Variants in GRIN2B observed in about 807,000 individuals in gnomAD.
The protein encoded by GRIN2B is glutamate ionotropic receptor NMDA type subunit 2B.
Under a neutral mutation model 114.5 loss-of-function variants are expected in GRIN2B, and 5 were observed. The ratio of observed to expected loss-of-function variants is 0.04; its 90% confidence interval spans 0.02 to 0.09. The LOEUF (loss-of-function observed/expected upper bound fraction) is 0.09. Ranked by LOEUF, GRIN2B falls within the 10% of genes least tolerant of loss-of-function variation. The pLI is 1.00. For synonymous variants in GRIN2B, 787 were observed against 745.1 expected (o/e 1.06, Z -0.92); for missense variants, 1,108 against 1,943.5 (o/e 0.57, Z 8.08).
chr12:13,943,778 T>C (rs1867309447), intron 2 of GRIN2B, among the ~76,000 whole-genome samples: 1 of 152,172 alleles, frequency 6.6e-6, no homozygotes, highest in Admixed American at 6.5e-5. Flanking sequence ...GAAATTTCCG[T>C]CACTGTCTAG....
intron 3 of GRIN2B, among the ~76,000 whole-genome samples, chr12:13,824,179 AAGAG>A (rs1306840257): frequency 6.6e-6 from 1 of 152,148 alleles, no homozygotes; most frequent in African/African-American, 2.4e-5. Flanking sequence ...TATTTCCTGG[AAGAG>A]TTTGTGTAGA....
chr12:13,940,438 G>GCA (rs141427427), intron 2 of GRIN2B, among the ~76,000 whole-genome samples: 80 of 150,858 alleles, frequency 5.3e-4, no homozygotes, highest in Non-Finnish European at 7.5e-4. Flanking sequence ...TCTCCTTGGC[G>GCA]CACACACACA....
intron 3 of GRIN2B, among the ~76,000 whole-genome samples, chr12:13,836,800 GAGA>G (rs3082838): frequency 0.091 from 13,865 of 152,176 alleles, 829 homozygotes; most frequent in South Asian, 0.18. Flanking sequence ...GCCAGAAGCT[GAGA>G]AGGAGAAGCA....
chr12:13,803,264 G>A (rs1864547593), intron 3 of GRIN2B, among the ~76,000 whole-genome samples: 1 of 152,084 alleles, frequency 6.6e-6, no homozygotes, highest in Non-Finnish European at 1.5e-5. Context: ...GGAGTCAAAA[G>A]TTACACACAG....
At chr12:13,593,817 C>T (rs1252881946) in intron 10 of GRIN2B, among the ~76,000 whole-genome samples, 2 of 152,046 alleles carry the variant, frequency 1.3e-5, no homozygotes, top group South Asian at 2.1e-4. Context: ...CTACAAAGCA[C>T]TTAAATTTAC....
Position 13,562,354 on chromosome 12 carries a change from C to T in GRIN2B, c.*429G>A. ...GGTCTCACATAGATGCTTTTGCTTC[C>T]TCACCTAAATGAAAAGATCAGTTTG... is the stretch of plus-strand genomic sequence containing the variant. On this transcript the variant is annotated 3_prime_UTR_variant, in exon 14 of 14. Transcript: ENST00000609686. 5.0e-6 allele frequency: 1 copy of T among 198,364 alleles called. No individual in the cohort carries two copies. The highest frequency in any genetic ancestry group is 1.1e-4 in the South Asian group (1 of 9,428). The allele number at this position is 198,364 out of a possible 1,614,324, so 12.3% of individuals were successfully genotyped here.
At chr12:13,926,494 G>A (rs980672613) in intron 2 of GRIN2B, among the ~76,000 whole-genome samples, 1 of 152,106 alleles carries the variant, frequency 6.6e-6, no homozygotes, top group Non-Finnish European at 1.5e-5. Context: ...CACCTTGTAC[G>A]ATAACCCTCC....
chr12:13,835,430 C>G lies in GRIN2B; in HGVS notation c.411+30368G>C, dbSNP rs139880189. ...TGGGAAATAATATTTAAAATCCAAG[C>G]CACAGTTGTCTCTTCCTTACCTCTT... On this transcript the variant is annotated intron_variant, in intron 3 of 13. Transcript: ENST00000609686. Among the ~76,000 whole-genome samples, 1,289 of 152,216 alleles carry G rather than the reference C, an allele frequency of 8.5e-3. 18 individuals are homozygous for G. Among genetic ancestry groups the G allele is most frequent in the African/African-American group, 0.03 (1,260 of 41,512 alleles).
chr12:13,778,970 G>A (rs1320371365), intron 3 of GRIN2B, among the ~76,000 whole-genome samples: 1 of 152,166 alleles, frequency 6.6e-6, no homozygotes, highest in African/African-American at 2.4e-5. Context: ...CTAGGTTACA[G>A]ATATAATATA....
chr12:13,981,121 C>T (rs1444138542), intron 1 of GRIN2B, among the ~76,000 whole-genome samples: 1 of 151,582 alleles, frequency 6.6e-6, no homozygotes, highest in Non-Finnish European at 1.5e-5. Context: ...CCCCAAAAGA[C>T]CAGAGACAGC....
At chr12:13,758,212 C>T (rs955506099) in intron 3 of GRIN2B, among the ~76,000 whole-genome samples, 62 of 152,290 alleles carry the variant, frequency 4.1e-4, no homozygotes, top group African/African-American at 1.3e-3. Flanking sequence ...AACTGCATCA[C>T]ACCTGCACTT....
At position 13,757,758 on chromosome 12, in the gene GRIN2B, C is replaced by G. The variant is rs1805561; in HGVS notation, c.412-3843G>C. ...GGGAAGGTAGAATTGTACACTAGACCCTAACAGTCTAGAACCATAATGTGG... is the reference window on the plus strand; with the variant it reads ...GGGAAGGTAGAATTGTACACTAGACGCTAACAGTCTAGAACCATAATGTGG... On this transcript the variant is annotated intron_variant, in intron 3 of 13. Transcript: ENST00000609686. 8.5e-3 allele frequency among the ~76,000 whole-genome samples: 1,292 copies of G among 152,094 alleles called. 13 individuals carry two copies. Among genetic ancestry groups the G allele is most frequent in the South Asian group, 0.016 (77 of 4,814 alleles).
At chr12:13,822,347 T>C (rs562314607) in intron 3 of GRIN2B, among the ~76,000 whole-genome samples, 1 of 152,230 alleles carries the variant, frequency 6.6e-6, no homozygotes, top group South Asian at 2.1e-4. Flanking sequence ...TAGTAAAAGA[T>C]CTAAACATAA....
intron 3 of GRIN2B, among the ~76,000 whole-genome samples, chr12:13,812,071 T>C (rs1289015933): frequency 6.6e-6 from 1 of 152,218 alleles, no homozygotes; most frequent in African/African-American, 2.4e-5. Flanking sequence ...AGAAAAAAAG[T>C]AATATATTCT....
chr12:13,881,899 A>G (rs752001697), intron 2 of GRIN2B, among the ~76,000 whole-genome samples: 3 of 152,198 alleles, frequency 2.0e-5, no homozygotes, highest in Non-Finnish European at 4.4e-5. Flanking sequence ...TGACAGGAAC[A>G]TACCTGATTC....
intron 10 of GRIN2B, among the ~76,000 whole-genome samples, chr12:13,574,961 G>C (rs1271514868): frequency 1.3e-5 from 2 of 152,178 alleles, no homozygotes; most frequent in East Asian, 3.8e-4. Context: ...AGTGGAGATA[G>C]GATGGCCTTT....
chr12:13,852,090 C>T (rs2193512), intron 3 of GRIN2B, among the ~76,000 whole-genome samples: 96,710 of 152,056 alleles, frequency 0.64, 31,004 homozygotes, highest in South Asian at 0.67. Context: ...ACAGAAGGCA[C>T]CCAAGACACG....
At chr12:13,630,384 T>A (rs1225620126) in intron 5 of GRIN2B, among the ~76,000 whole-genome samples, 1 of 152,246 alleles carries the variant, frequency 6.6e-6, no homozygotes, top group Non-Finnish European at 1.5e-5. Context: ...ATGAATCAGA[T>A]ATCCCAGTAT....
intron 10 of GRIN2B, among the ~76,000 whole-genome samples, chr12:13,574,567 G>A (rs933963795): frequency 6.6e-6 from 1 of 152,176 alleles, no homozygotes; most frequent in Admixed American, 6.5e-5. Context: ...TCCATGCAAG[G>A]TATCTGCAAC....
Sources: allele counts gnomAD v4.1 joint callset (sites outside exome capture counted in the v4.1 genomes callset), GRCh38; gene constraint gnomAD v4.1.1; transcripts MANE v1.5; gene names NCBI Gene and HGNC (gene_info 2026-07-23, HGNC 2026-07-21).